The following SNTG1 variants were observed in gnomAD, a reference collection of about 807,000 sequenced individuals.
SNTG1 encodes the protein gamma-1-syntrophin.
In SNTG1, 39 loss-of-function variants were observed where a neutral mutation model predicts 74.7. The ratio of observed to expected loss-of-function variants is 0.52; its 90% CI spans 0.40 to 0.68. The LOEUF is 0.68. Ranked by LOEUF, SNTG1 falls within the 30% of genes least tolerant of loss-of-function variation. SNTG1 has a pLI of 0.00. For missense variants in SNTG1, 685 were observed against 609.5 expected (o/e 1.12, Z -1.30); for synonymous variants, 254 against 217.1 (o/e 1.17, Z -1.49).
At chr8:50,738,660 A>T (rs1163916190) in intron 17 of SNTG1, among the ~76,000 whole-genome samples, 4 of 152,080 alleles carry the variant, frequency 2.6e-5, no homozygotes, top group Non-Finnish European at 5.9e-5. Context: ...TTCAAACTAT[A>T]CTACAAAGCT....
chr8:50,091,216 C>T (rs146258354), intron 1 of SNTG1, among the ~76,000 whole-genome samples: 21 of 152,006 alleles, frequency 1.4e-4, no homozygotes, highest in African/African-American at 2.2e-4. Flanking sequence ...TATACTTACA[C>T]GTGGTAAAAT....
intron 2 of SNTG1, among the ~76,000 whole-genome samples, chr8:50,259,871 A>G (rs547771865): frequency 6.6e-6 from 1 of 152,198 alleles, no homozygotes; most frequent in Non-Finnish European, 1.5e-5. Context: ...AGGAGAAGAA[A>G]TTTTCATGAG....
At chr8:50,756,622 T>A (rs1432048574) in intron 18 of SNTG1, among the ~76,000 whole-genome samples, 4 of 151,780 alleles carry the variant, frequency 2.6e-5, no homozygotes, top group African/African-American at 7.2e-5. Context: ...GTTCCATTGA[T>A]CTATTTGTCT....
At chr8:50,050,963 C>A (rs931723519) in intron 1 of SNTG1, among the ~76,000 whole-genome samples, 2 of 151,650 alleles carry the variant, frequency 1.3e-5, no homozygotes, top group Non-Finnish European at 2.9e-5. Flanking sequence ...GATAAAAATA[C>A]CCAACAAACT....
chr8:50,485,432 T>C (rs989461388), intron 8 of SNTG1, among the ~76,000 whole-genome samples: 8 of 152,212 alleles, frequency 5.3e-5, no homozygotes, highest in Admixed American at 4.6e-4. Flanking sequence ...GTTGTAAATA[T>C]TTGTCTTCCC....
intron 18 of SNTG1, among the ~76,000 whole-genome samples, chr8:50,777,911 T>C: frequency 6.6e-6 from 1 of 151,974 alleles, no homozygotes; most frequent in Non-Finnish European, 1.5e-5. Flanking sequence ...GTCCATGTGA[T>C]CTCATTGTTC....
intron 13 of SNTG1, among the ~76,000 whole-genome samples, chr8:50,627,963 T>A (rs141524611): frequency 3.9e-5 from 6 of 152,256 alleles, no homozygotes; most frequent in African/African-American, 1.4e-4. Flanking sequence ...CTTCAGCCCC[T>A]CTCTCCTCCC....
chr8:50,682,076 A>G, intron 15 of SNTG1, among the ~76,000 whole-genome samples: 1 of 152,188 alleles, frequency 6.6e-6, no homozygotes, highest in East Asian at 1.9e-4. Context: ...GGTACCAAAA[A>G]GAAGAAATAG....
At chr8:50,134,941 T>C (rs2081425301) in intron 1 of SNTG1, among the ~76,000 whole-genome samples, 1 of 151,984 alleles carries the variant, frequency 6.6e-6, no homozygotes, top group African/African-American at 2.4e-5. Flanking sequence ...AAAAAAAGGG[T>C]CAAATAAATA....
At chr8:50,642,270 C>G (rs1735671117) in intron 13 of SNTG1, among the ~76,000 whole-genome samples, 1 of 152,196 alleles carries the variant, frequency 6.6e-6, no homozygotes, top group Admixed American at 6.5e-5. Context: ...TTTCAAGTCT[C>G]TATCATCTCT....
intron 1 of SNTG1, among the ~76,000 whole-genome samples, chr8:50,100,104 A>G (rs1472140239): frequency 6.6e-6 from 1 of 152,122 alleles, no homozygotes; most frequent in Non-Finnish European, 1.5e-5. Flanking sequence ...AAATCCTGTC[A>G]TTCGAGACAA....
chr8:50,690,443 T>C (rs904113148), intron 15 of SNTG1, among the ~76,000 whole-genome samples: 2 of 152,202 alleles, frequency 1.3e-5, no homozygotes, highest in African/African-American at 4.8e-5. Flanking sequence ...TTCTGGTATG[T>C]TGTGTCTTTG....
intron 18 of SNTG1, among the ~76,000 whole-genome samples, chr8:50,766,802 G>A (rs1448260049): frequency 2.0e-5 from 3 of 151,796 alleles, no homozygotes; most frequent in East Asian, 3.9e-4. Context: ...AGTATGATAA[G>A]TAATTTGCAA....
Position 49,951,778 on chromosome 8 carries a change from A to T in SNTG1, c.-103+39547A>T, listed in dbSNP as rs566834794. Among the ~76,000 whole-genome samples, 329 of 151,440 alleles carry T rather than the reference A, an allele frequency of 2.2e-3. 4 individuals carry two copies. The highest frequency in any genetic ancestry group is 3.5e-4 in the Non-Finnish European group (24 of 67,894). On this transcript the variant is annotated intron_variant, in intron 1 of 18. Coordinates refer to ENST00000642720, the MANE Select transcript of SNTG1 (RefSeq NM_018967.5). ...TATAATAATAAAAAAAAAGCTTAACAACCTTAAAAGAATTAAAAATTATAT... is the reference window on the plus strand; with the variant it reads ...TATAATAATAAAAAAAAAGCTTAACTACCTTAAAAGAATTAAAAATTATAT...
chr8:50,788,798 A>G (rs2095683151), intron 18 of SNTG1, among the ~76,000 whole-genome samples: 1 of 151,874 alleles, frequency 6.6e-6, no homozygotes, highest in African/African-American at 2.4e-5. Context: ...ACACTACCAA[A>G]TCTACCCACC....
At chr8:50,221,181 A>G (rs1458011823) in intron 2 of SNTG1, among the ~76,000 whole-genome samples, 1 of 152,180 alleles carries the variant, frequency 6.6e-6, no homozygotes, top group Non-Finnish European at 1.5e-5. Flanking sequence ...CATAATGGGA[A>G]GACATATAAA....
At chr8:50,250,443 G>A (rs2086597716) in intron 2 of SNTG1, among the ~76,000 whole-genome samples, 1 of 152,020 alleles carries the variant, frequency 6.6e-6, no homozygotes, top group Admixed American at 6.6e-5. Context: ...GGGAGATATG[G>A]ACATCCATGT....
At chr8:50,632,455 C>T (rs900960970) in intron 13 of SNTG1, among the ~76,000 whole-genome samples, 1 of 152,000 alleles carries the variant, frequency 6.6e-6, no homozygotes, top group African/African-American at 2.4e-5. Flanking sequence ...GGACCACAGG[C>T]ATGCACCACC....
intron 2 of SNTG1, among the ~76,000 whole-genome samples, chr8:50,303,733 C>A (rs1270689665): frequency 6.6e-6 from 1 of 151,926 alleles, no homozygotes; most frequent in Non-Finnish European, 1.5e-5. Context: ...AATGTTTTAG[C>A]TTGTGAGATT....
Sources: gnomAD v4.1 joint callset for allele counts (sites outside exome capture counted in the v4.1 genomes callset) on GRCh38, gnomAD v4.1.1 for gene constraint, MANE v1.5 for transcripts, NCBI Gene and HGNC (gene_info 2026-07-23, HGNC 2026-07-21) for gene names.